Variants in ATP8A2 observed in about 807,000 individuals in gnomAD.
The protein encoded by ATP8A2 is phospholipid-transporting ATPase IB.
In ATP8A2, 100 loss-of-function variants were observed where a neutral mutation model predicts 165.6. The observed-to-expected ratio is 0.60, with a 90% CI of 0.51 to 0.71. The LOEUF (loss-of-function observed/expected upper bound fraction) is 0.71, where lower values mean the gene tolerates loss of function less well. Ranked by LOEUF, ATP8A2 falls within the 30% of genes least tolerant of loss-of-function variation. The pLI, the probability that ATP8A2 is intolerant of heterozygous loss-of-function variation, is 0.00. For missense variants in ATP8A2, 1,227 were observed against 1,479.5 expected, an observed-to-expected ratio of 0.83 and a Z score of 2.80; for synonymous variants, 543 against 548.8, an observed-to-expected ratio of 0.99 and a Z score of 0.15.
intron 2 of ATP8A2, among the ~76,000 whole-genome samples, chr13:25,525,595 AT>A (rs1043476084): frequency 6.6e-6 from 1 of 151,736 alleles, no homozygotes; most frequent in Non-Finnish European, 1.5e-5. Flanking sequence ...TTGGATGGAA[AT>A]TTTTTTTCTT....
intron 27 of ATP8A2, among the ~76,000 whole-genome samples, chr13:25,800,724 C>T (rs1023344637): frequency 2.6e-5 from 4 of 152,098 alleles, no homozygotes; most frequent in African/African-American, 9.7e-5. Flanking sequence ...TTTCCATCTC[C>T]AAGCCCTGCT....
chr13:25,599,082 A>T (rs1477026768), intron 24 of ATP8A2, among the ~76,000 whole-genome samples: 1 of 151,804 alleles, frequency 6.6e-6, no homozygotes, highest in Admixed American at 6.6e-5. Context: ...TTTCATATAT[A>T]TGAGAAAAAA....
intron 23 of ATP8A2, among the ~76,000 whole-genome samples, chr13:25,583,074 T>A (rs2039819138): frequency 6.6e-6 from 1 of 152,186 alleles, no homozygotes; most frequent in Non-Finnish European, 1.5e-5. Context: ...TGGAGAACAG[T>A]ATGATGGTAT....
intron 2 of ATP8A2, among the ~76,000 whole-genome samples, chr13:25,516,591 TC>T (rs1464099791): frequency 6.6e-6 from 1 of 152,216 alleles, no homozygotes; most frequent in Non-Finnish European, 1.5e-5. Context: ...TTGTAATGAT[TC>T]CTGTACTTGT....
At chr13:25,886,861 T>G (rs1243112944) in intron 33 of ATP8A2, among the ~76,000 whole-genome samples, 1 of 152,198 alleles carries the variant, frequency 6.6e-6, no homozygotes, top group Non-Finnish European at 1.5e-5. Context: ...AGGCTTTATT[T>G]ACATGGTATT....
At chr13:25,722,021 A>T (rs2138038575) in intron 25 of ATP8A2, among the ~76,000 whole-genome samples, 1 of 152,296 alleles carries the variant, frequency 6.6e-6, no homozygotes, top group East Asian at 1.9e-4. Context: ...AGGAACCATG[A>T]AACTGTTTTC....
intron 24 of ATP8A2, among the ~76,000 whole-genome samples, chr13:25,654,136 C>G (rs1376153291): frequency 6.6e-6 from 1 of 152,106 alleles, no homozygotes; most frequent in African/African-American, 2.4e-5. Context: ...TTCTTTTTTG[C>G]TCATTCATAG....
intron 33 of ATP8A2, among the ~76,000 whole-genome samples, chr13:25,956,124 T>C (rs1394652748): frequency 6.6e-6 from 1 of 151,780 alleles, no homozygotes; most frequent in Non-Finnish European, 1.5e-5. Context: ...GGAACGTATC[T>C]CAATAAGAGC....
At chr13:25,861,698 T>C (rs1189984302) in intron 32 of ATP8A2, among the ~76,000 whole-genome samples, 1 of 152,186 alleles carries the variant, frequency 6.6e-6, no homozygotes, top group East Asian at 1.9e-4. Context: ...ATTTTATCTT[T>C]CTAAAAGCTA....
chr13:25,950,837 G>A (rs1163569016), intron 33 of ATP8A2: 1 of 152,304 alleles, frequency 6.6e-6, no homozygotes, highest in Non-Finnish European at 1.5e-5. Flanking sequence ...TGTAGAGCTT[G>A]TAACCTTGGG....
chr13:25,949,702 T>C (rs1301262414), intron 33 of ATP8A2, among the ~76,000 whole-genome samples: 1 of 152,202 alleles, frequency 6.6e-6, no homozygotes, highest in African/African-American at 2.4e-5. Context: ...TGGCTCCAGC[T>C]GGACAATTGC....
Position 25,862,294 on chromosome 13 carries a change from T to C in ATP8A2, c.3076-7T>C. On this transcript the variant is annotated splice_polypyrimidine_tract_variant and splice_region_variant and intron_variant, in intron 32 of 36. Coordinates refer to ENST00000381655, the MANE Select transcript of ATP8A2 (RefSeq NM_016529.6). ...AAGCCTGTCTGAGTGTCTATTTCCCTCTGCAGTTCAGTCATCTGGCTGTCT... is the reference window on the plus strand; with the variant it reads ...AAGCCTGTCTGAGTGTCTATTTCCCCCTGCAGTTCAGTCATCTGGCTGTCT... 6.2e-7 allele frequency: 1 copy of C among 1,611,996 alleles called. No homozygotes were observed.
chr13:25,399,437 C>T (rs1402459296), intron 1 of ATP8A2, among the ~76,000 whole-genome samples: 3 of 113,874 alleles, frequency 2.6e-5, no homozygotes, highest in Non-Finnish European at 3.4e-5. Context: ...TTCGCTCTGT[C>T]GCCCAGGCTG....
At chr13:25,680,207 A>G (rs1417506892) in intron 24 of ATP8A2, among the ~76,000 whole-genome samples, 1 of 152,182 alleles carries the variant, frequency 6.6e-6, no homozygotes, top group East Asian at 1.9e-4. Context: ...AAATAGAATC[A>G]TGGCAGCTTA....
chr13:25,778,478 G>A (rs2044792114), intron 27 of ATP8A2, among the ~76,000 whole-genome samples: 2 of 152,148 alleles, frequency 1.3e-5, no homozygotes, highest in East Asian at 1.9e-4. Context: ...ACTACAACCT[G>A]TGCCTCCATC....
At chr13:25,945,475 C>G (rs1429123248) in intron 33 of ATP8A2, among the ~76,000 whole-genome samples, 2 of 152,106 alleles carry the variant, frequency 1.3e-5, no homozygotes, top group Non-Finnish European at 2.9e-5. Context: ...GAATTGGGTA[C>G]TTGGAATGGA....
At chr13:25,491,846 C>T (rs774756800) in intron 2 of ATP8A2, among the ~76,000 whole-genome samples, 4 of 152,128 alleles carry the variant, frequency 2.6e-5, no homozygotes, top group Non-Finnish European at 4.4e-5. Context: ...GGTGTTTATA[C>T]CTTTGATAGA....
intron 2 of ATP8A2, among the ~76,000 whole-genome samples, chr13:25,478,195 C>T (rs927822387): frequency 6.6e-6 from 1 of 151,444 alleles, no homozygotes; most frequent in African/African-American, 2.4e-5. Flanking sequence ...ATTCCCTATG[C>T]TCACAAACAG....
At position 25,769,049 on chromosome 13, in the gene ATP8A2, GTC is replaced by G; in HGVS notation, c.2391_2392del (p.Pro798SerfsTer5). On this transcript the variant is annotated frameshift_variant, in exon 26 of 37. Transcript: ENST00000381655. LOFTEE classifies it high-confidence loss of function. The stretch of plus-strand genomic sequence containing the variant: ...ATTTCCCTCTCTTTTCTCACAGAGT[GTC>G]TCCTCTGCAGAAGTCTGAGATAGTG... Reference protein sequence around the residue: ...SCKAVICCRVSPLQKSEIVDV... With the variant: ...SCKAVICCRVXPLQKSEIVDV... The G allele has an allele frequency of 6.2e-7, 1 of 1,614,044 alleles. No individual in the cohort carries two copies. Among genetic ancestry groups the G allele is most frequent in the Non-Finnish European group, 8.5e-7 (1 of 1,179,906 alleles).
Sources: gnomAD v4.1 joint callset for allele counts (sites outside exome capture counted in the v4.1 genomes callset) on GRCh38, gnomAD v4.1.1 for gene constraint, MANE v1.5 for transcripts, NCBI Gene and HGNC (gene_info 2026-07-23, HGNC 2026-07-21) for gene names.